The following DIPK1C variants were observed in gnomAD, a reference collection of about 807,000 sequenced individuals.
DIPK1C encodes the protein divergent protein kinase domain 1C, also known as familial non-conventional Alzheimer's dementia.
A neutral mutation model predicts 28.0 loss-of-function variants in DIPK1C; 33 were observed. The ratio of observed to expected loss-of-function variants is 1.18; its 90% CI spans 0.89 to 1.58. DIPK1C has a LOEUF of 1.58. Among genes scored for constraint, DIPK1C ranks in the 40% most tolerant of loss-of-function variants. The pLI, the probability that DIPK1C is intolerant of heterozygous loss-of-function variation, is 0.00. For synonymous variants in DIPK1C, 255 were observed against 248.8 expected (o/e 1.02, Z -0.23); for missense variants, 569 against 568.5 (o/e 1.00, Z -0.01).
At chr18:74,444,809 C>T (rs961301763) in intron 2 of DIPK1C, among the ~76,000 whole-genome samples, 22 of 152,120 alleles carry the variant, frequency 1.4e-4, no homozygotes, top group African/African-American at 4.8e-4. Context: ...GCAGCACCAG[C>T]CGACAAAACA....
At chr18:74,436,856 A>G (rs1986009377) in intron 3 of DIPK1C, 137 bp from the exon 4 acceptor site, 1 of 756,452 alleles carries the variant, frequency 1.3e-6, no homozygotes, top group South Asian at 1.9e-5. Context: ...CACACTCCAG[A>G]GACCATCCGA....
At position 74,447,195 on chromosome 18, in the gene DIPK1C, T is replaced by C. The variant is rs1986291242; in HGVS notation, c.287A>G (p.His96Arg). The C allele has an allele frequency of 1.3e-6, 2 of 1,550,434 alleles. No individual in the cohort carries two copies. Among genetic ancestry groups the C allele is most frequent in the Non-Finnish European group, 1.7e-6 (2 of 1,146,950 alleles). ...CAGCACCTTCTTGCCTCTGTTGTAG[T>C]GCAGGCAGCGTTGGAACAGCAGCTC... ...AGELLFQRCL[H>R]YNRGKKVLQA... The change falls in exon 2 of 4, where the codon CAC becomes CGC. Residue 96 changes from histidine (H) to arginine (R), a missense_variant. Physicochemically the swap from His to Arg is conservative, Grantham distance 29. Transcript: ENST00000343998. The surrounding 1 kb of genome is among the most constrained non-coding windows in gnomAD (Gnocchi z 4.1).
At chr18:74,442,141 A>G (rs1053098421) in intron 2 of DIPK1C, 25 bp from the exon 3 acceptor site, 21 of 1,612,330 alleles carry the variant, frequency 1.3e-5, no homozygotes, top group African/African-American at 9.4e-5. Flanking sequence ...GCACGGGGCT[A>G]TCAAAGGGCT....
rs115968573 is a variant in DIPK1C, at chr18:74,453,325, T to C, written c.198+3737A>G. On this transcript the variant is annotated intron_variant, in intron 1 of 3. Transcript: ENST00000343998. Reference sequence around the variant, plus strand: ...TAGCAACATTCAGACTTCACAGTGGTATTCCTTCCCGAAGTAGCTATGCTG... The same window carrying C: ...TAGCAACATTCAGACTTCACAGTGGCATTCCTTCCCGAAGTAGCTATGCTG... 5.4e-3 allele frequency among the ~76,000 whole-genome samples: 830 copies of C among 152,354 alleles called. 10 individuals are homozygous for C. The highest frequency in any genetic ancestry group is 0.019 in the African/African-American group (785 of 41,572).
upstream of DIPK1C, among the ~76,000 whole-genome samples, chr18:74,462,400 T>C (rs1485788221): frequency 1.3e-5 from 2 of 152,228 alleles, no homozygotes; most frequent in African/African-American, 2.4e-5. Context: ...TCTTGCACCA[T>C]GTATCACTAC....
rs149980567 is a variant in DIPK1C at position 74,439,207 on chromosome 18, T to C, written c.1042-2488A>G. On this transcript the variant is annotated intron_variant, in intron 3 of 3. Coordinates refer to ENST00000343998, the MANE Select transcript of DIPK1C (RefSeq NM_001044369.3). ...AAAGGCCTTCTCTACACTAGAATAATATTTGAAACTCTCCCAGCTTTTTCT... is the reference window on the plus strand; with the variant it reads ...AAAGGCCTTCTCTACACTAGAATAACATTTGAAACTCTCCCAGCTTTTTCT... 6.3e-3 allele frequency among the ~76,000 whole-genome samples: 963 copies of C among 152,196 alleles called. 13 individuals are homozygous for C. Among genetic ancestry groups the C allele is most frequent in the African/African-American group, 0.022 (920 of 41,514 alleles).
In DIPK1C at chr18:74,446,829, T is replaced by C. The variant is rs1986275136; in HGVS notation, c.653A>G (p.His218Arg). 6.7e-7 allele frequency: 1 copy of C among 1,499,554 alleles called. No individual in the cohort carries two copies. Among genetic ancestry groups the C allele is most frequent in the African/African-American group, 1.4e-5 (1 of 71,544 alleles). 92.9% of individuals were successfully genotyped at this position (1,499,554 alleles called of 1,614,324 possible). A position where few individuals can be genotyped will look rare whatever the true frequency, so the allele number is the denominator to read the frequency against. The change falls in exon 2 of 4, where the codon CAC (histidine) becomes CGC (arginine). Residue 218 changes from histidine (H) to arginine (R), a missense_variant. Physicochemically the swap from His to Arg is conservative, Grantham distance 29 (BLOSUM62 0). Transcript: ENST00000343998. ...HVLPVLGSCG[H>R]FYAVEFLAAG... ...GGCCAGGAACTCCACCGCGTAGAAG[T>C]GGCCGCAGGAACCCAGCACGGGCAG... is the stretch of plus-strand genomic sequence containing the variant.
At chr18:74,449,736 T>A (rs1370154188) in intron 1 of DIPK1C, among the ~76,000 whole-genome samples, 1 of 152,192 alleles carries the variant, frequency 6.6e-6, no homozygotes, top group Non-Finnish European at 1.5e-5. Context: ...TGGGGCTGAC[T>A]TTATGTCTTT....
At position 74,434,913 on chromosome 18, in the gene DIPK1C, T is replaced by C. The variant is rs1028743181; in HGVS notation, c.*1588A>G. 1.3e-5 allele frequency: 2 copies of C among 152,246 alleles called. No homozygotes were observed. The highest frequency in any genetic ancestry group is 2.9e-5 in the Non-Finnish European group (2 of 68,046). The allele number at this position is 152,246 out of a possible 1,614,324, so 9.4% of individuals were successfully genotyped here. A position where few individuals can be genotyped will look rare whatever the true frequency, so the allele number is the denominator to read the frequency against. On this transcript the variant is annotated 3_prime_UTR_variant, in exon 4 of 4. Transcript: ENST00000343998. ...GCCCTCTATGGAACTCTGTGTCATT[T>C]GGAAGATCCCCAGTGGTGATGGGTA...
intron 1 of DIPK1C, among the ~76,000 whole-genome samples, chr18:74,448,928 G>A (rs1464478504): frequency 6.6e-6 from 1 of 152,164 alleles, no homozygotes; most frequent in African/African-American, 2.4e-5. Flanking sequence ...GGCCAACATG[G>A]CTAAACCTGG....
chr18:74,445,188 C>T (rs1368849459), intron 2 of DIPK1C, among the ~76,000 whole-genome samples: 1 of 152,152 alleles, frequency 6.6e-6, no homozygotes, highest in African/African-American at 2.4e-5. Flanking sequence ...CCCTGACTTC[C>T]TCCCCAAGGC....
the DIPK1C span, among the ~76,000 whole-genome samples, chr18:74,463,283 C>A: frequency 1.3e-5 from 2 of 152,206 alleles, no homozygotes; most frequent in Non-Finnish European, 2.9e-5. Context: ...GGAGTCTTTG[C>A]TGTTCCGTTT....
upstream of DIPK1C, among the ~76,000 whole-genome samples, chr18:74,461,349 T>A (rs970821159): frequency 2.5e-5 from 2 of 78,444 alleles, no homozygotes; most frequent in Non-Finnish European, 4.7e-5. Context: ...CCTTCTTTCC[T>A]TCCTTCCTTC....
At chr18:74,448,851 G>A (rs1472178529) in intron 1 of DIPK1C, among the ~76,000 whole-genome samples, 1 of 152,170 alleles carries the variant, frequency 6.6e-6, no homozygotes, top group African/African-American at 2.4e-5. Context: ...GCTCACCCCT[G>A]TAACCCCAGC....
Position 74,457,053 on chromosome 18 carries a change from G to C in DIPK1C, c.198+9C>G. 1.4e-6 allele frequency: 2 copies of C among 1,444,998 alleles called. No individual in the cohort carries two copies. The highest frequency in any genetic ancestry group is 1.8e-6 in the Non-Finnish European group (2 of 1,108,254). The allele number at this position is 1,444,998 out of a possible 1,614,324, so 89.5% of individuals were successfully genotyped here. A position where few individuals can be genotyped will look rare whatever the true frequency, so the allele number is the denominator to read the frequency against. Reference sequence around the variant, plus strand: ...GCGCGGCGCGGGGCAGAGCGGCGGCGGGACCTACCAGCGCGGCCAGGATGC... The same window carrying C: ...GCGCGGCGCGGGGCAGAGCGGCGGCCGGACCTACCAGCGCGGCCAGGATGC... On this transcript the variant is annotated intron_variant, in intron 1 of 3. Coordinates refer to ENST00000343998, the MANE Select transcript of DIPK1C (RefSeq NM_001044369.3).
At position 74,455,225 on chromosome 18, in the gene DIPK1C, A is replaced by G. The variant is rs576724866; in HGVS notation, c.198+1837T>C. 6.6e-5 allele frequency among the ~76,000 whole-genome samples: 10 copies of G among 152,340 alleles called. No homozygotes were observed. In the South Asian group the frequency reaches 2.1e-3, roughly 32 times the overall value. The stretch of plus-strand genomic sequence containing the variant: ...CATGATTAGCAATTACTTAAATTAT[A>G]CTAGACGATTTAATTTCCATTATTA... On this transcript the variant is annotated intron_variant, in intron 1 of 3. Transcript: ENST00000343998.
chr18:74,449,041 G>A (rs895152553), intron 1 of DIPK1C, among the ~76,000 whole-genome samples: 7 of 152,032 alleles, frequency 4.6e-5, no homozygotes, highest in Admixed American at 1.3e-4. Flanking sequence ...ACCGGGAGGC[G>A]CAGGTTGGAG....
intron 1 of DIPK1C, among the ~76,000 whole-genome samples, chr18:74,453,205 T>A (rs1986436609): frequency 6.6e-6 from 1 of 152,218 alleles, no homozygotes; most frequent in African/African-American, 2.4e-5. Flanking sequence ...CACTCTAGTC[T>A]AGAAAAACTG....
chr18:74,451,673 G>A (rs1240721398), intron 1 of DIPK1C, among the ~76,000 whole-genome samples: 1 of 152,184 alleles, frequency 6.6e-6, no homozygotes, highest in Non-Finnish European at 1.5e-5. Context: ...ACATTGACTT[G>A]TAAACCTGCC....
Sources: gnomAD v4.1 joint callset for allele counts (sites outside exome capture counted in the v4.1 genomes callset) on GRCh38, gnomAD v4.1.1 for gene constraint, Gnocchi (gnomAD v3.1) non-coding constraint, MANE v1.5 for transcripts, NCBI Gene and HGNC (gene_info 2026-07-23, HGNC 2026-07-21) for gene names.